The following COX7B2 variants were observed in gnomAD, a reference collection of about 807,000 sequenced individuals.
The protein encoded by COX7B2 is cytochrome c oxidase subunit 7B2.
For missense variants in COX7B2, 109 were observed against 95.9 expected, an observed-to-expected ratio of 1.14 and a Z score of -0.57; for synonymous variants, 37 against 32.1, an observed-to-expected ratio of 1.15 and a Z score of -0.51.
chr4:46,772,012 T>G (rs1422041659), intron 2 of COX7B2, among the ~76,000 whole-genome samples: 1 of 152,154 alleles, frequency 6.6e-6, no homozygotes, highest in East Asian at 1.9e-4. Context: ...GTGGCACTAT[T>G]CACAACATGC....
rs1444231764 is a variant in COX7B2 at position 46,754,714 on chromosome 4, G to A, written c.-49-19473C>T. On this transcript the variant is annotated intron_variant, in intron 2 of 2. Transcript: ENST00000355591. ...ATAAAATACGTGTGTGTGTGTGTGT[G>A]TGTGTGTGTGTGTGTATATATATAT... Among the ~76,000 whole-genome samples the A allele has an allele frequency of 4.2e-3, 90 of 21,286 alleles. 1 individual carries two copies. Among genetic ancestry groups the A allele is most frequent in the African/African-American group, 0.02 (74 of 3,740 alleles). The allele number at this position is 21,286 out of a possible 152,430, so 14.0% of individuals were successfully genotyped here. A position where few individuals can be genotyped will look rare whatever the true frequency, so the allele number is the denominator to read the frequency against.
intron 2 of COX7B2, among the ~76,000 whole-genome samples, chr4:46,831,278 AGCAGC>A (rs984746452): frequency 2.0e-5 from 3 of 152,110 alleles, no homozygotes; most frequent in Non-Finnish European, 2.9e-5. Flanking sequence ...CTCCCCACAC[AGCAGC>A]GCTCAGGACC....
At chr4:46,854,496 C>T (rs532249923) in intron 1 of COX7B2, among the ~76,000 whole-genome samples, 1 of 152,326 alleles carries the variant, frequency 6.6e-6, no homozygotes, top group South Asian at 2.1e-4. Flanking sequence ...ACAATGCAGA[C>T]ACTTCCATCA....
intron 2 of COX7B2, among the ~76,000 whole-genome samples, chr4:46,804,895 G>T (rs1443495343): frequency 1.3e-5 from 2 of 152,218 alleles, no homozygotes; most frequent in African/African-American, 4.8e-5. Flanking sequence ...TGCACGTCGG[G>T]GAGGCTCAGG....
At chr4:46,783,732 A>G (rs1423809574) in intron 2 of COX7B2, among the ~76,000 whole-genome samples, 2 of 152,174 alleles carry the variant, frequency 1.3e-5, no homozygotes, top group Admixed American at 1.3e-4. Context: ...ACTAGCTTAA[A>G]CAAAAAGGGA....
rs1396491793 is a variant in COX7B2, at chr4:46,754,722, G to GTATATATATA, written c.-49-19482_-49-19481insTATATATATA. Among the ~76,000 whole-genome samples, 229 of 34,074 alleles carry GTATATATATA rather than the reference G, an allele frequency of 6.7e-3. 2 individuals are homozygous for GTATATATATA. The highest frequency in any genetic ancestry group is 0.017 in the Middle Eastern group (1 of 58). The allele number at this position is 34,074 out of a possible 152,430, so 22.4% of individuals were successfully genotyped here. A position where few individuals can be genotyped will look rare whatever the true frequency, so the allele number is the denominator to read the frequency against. On this transcript the variant is annotated intron_variant, in intron 2 of 2. Coordinates refer to ENST00000355591, the MANE Select transcript of COX7B2 (RefSeq NM_130902.3). ...CGTGTGTGTGTGTGTGTGTGTGTGT[G>GTATATATATA]TGTGTGTATATATATATATATATAT...
At chr4:46,803,201 C>T (rs920125899) in intron 2 of COX7B2, among the ~76,000 whole-genome samples, 2 of 152,046 alleles carry the variant, frequency 1.3e-5, no homozygotes, top group Admixed American at 6.5e-5. Context: ...ATTTAACAAC[C>T]TTTGGCAAAG....
chr4:46,827,545 AATTGCTTAGC>A (rs1317038665), intron 2 of COX7B2, among the ~76,000 whole-genome samples: 3 of 152,194 alleles, frequency 2.0e-5, no homozygotes. Context: ...ATGTCCGTAG[AATTGCTTAGC>A]AAAACAAACA....
At chr4:46,825,969 G>A (rs187889372) in intron 2 of COX7B2, among the ~76,000 whole-genome samples, 2 of 152,198 alleles carry the variant, frequency 1.3e-5, no homozygotes, top group East Asian at 3.9e-4. Context: ...ATAAGAATGG[G>A]CAAAGATTTC....
At chr4:46,836,538 C>G (rs960844064) in intron 2 of COX7B2, among the ~76,000 whole-genome samples, 7 of 151,552 alleles carry the variant, frequency 4.6e-5, no homozygotes, top group African/African-American at 1.7e-4. Flanking sequence ...ACAATGCTTT[C>G]TTCTGGAATA....
At position 46,784,437 on chromosome 4, in the gene COX7B2, C is replaced by T. The variant is rs60656170; in HGVS notation, c.-49-49196G>A. Among the ~76,000 whole-genome samples the T allele has an allele frequency of 8.0e-3, 1,217 of 152,082 alleles. 18 individuals carry two copies. Among genetic ancestry groups the T allele is most frequent in the African/African-American group, 0.027 (1,135 of 41,476 alleles). ...GTCAGGAGTTCGAGACCAGCCTGGC[C>T]AACATGGTGAAATTCCGTCTCTATT... On this transcript the variant is annotated intron_variant, in intron 2 of 2. Coordinates refer to ENST00000355591, the MANE Select transcript of COX7B2 (RefSeq NM_130902.3).
At chr4:46,847,998 T>C (rs1349485701) in intron 1 of COX7B2, among the ~76,000 whole-genome samples, 1 of 151,994 alleles carries the variant, frequency 6.6e-6, no homozygotes, top group Non-Finnish European at 1.5e-5. Context: ...TTCTTTTTGT[T>C]CTAGGTGCTC....
intron 1 of COX7B2, among the ~76,000 whole-genome samples, chr4:46,875,244 A>G (rs2109833155): frequency 6.6e-6 from 1 of 152,354 alleles, no homozygotes; most frequent in South Asian, 2.1e-4. Context: ...CAAGGAAATT[A>G]AAGGCATTTT....
At chr4:46,840,735 C>T (rs1047313211) in intron 2 of COX7B2, among the ~76,000 whole-genome samples, 1 of 151,992 alleles carries the variant, frequency 6.6e-6, no homozygotes, top group African/African-American at 2.4e-5. Context: ...ATAATACCTG[C>T]TTCAAGTTGT....
At chr4:46,786,695 C>A (rs1285062902) in intron 2 of COX7B2, among the ~76,000 whole-genome samples, 2 of 152,078 alleles carry the variant, frequency 1.3e-5, no homozygotes, top group African/African-American at 4.8e-5. Flanking sequence ...CCTGAAGAAG[C>A]CTGCCTTTTA....
intron 2 of COX7B2, among the ~76,000 whole-genome samples, chr4:46,777,626 T>C (rs1043226577): frequency 6.6e-6 from 1 of 152,008 alleles, no homozygotes; most frequent in Non-Finnish European, 1.5e-5. Flanking sequence ...ATCTGTATTA[T>C]AAGAAAGAAG....
intron 2 of COX7B2, among the ~76,000 whole-genome samples, chr4:46,780,280 G>T (rs1179655342): frequency 6.6e-6 from 1 of 152,164 alleles, no homozygotes; most frequent in African/African-American, 2.4e-5. Flanking sequence ...CACTTTGGGA[G>T]GCCGAAGCAG....
At chr4:46,758,993 T>C (rs964869793) in intron 2 of COX7B2, among the ~76,000 whole-genome samples, 5 of 152,082 alleles carry the variant, frequency 3.3e-5, no homozygotes, top group African/African-American at 7.2e-5. Flanking sequence ...GTGAATAAGA[T>C]TGTGGAACCA....
At chr4:46,853,524 G>C (rs1183500013) in intron 1 of COX7B2, among the ~76,000 whole-genome samples, 8 of 151,972 alleles carry the variant, frequency 5.3e-5, no homozygotes, top group African/African-American at 1.9e-4. Context: ...GATTACAGCA[G>C]TTATGTACAT....
Sources: gnomAD v4.1 joint callset for allele counts (sites outside exome capture counted in the v4.1 genomes callset) on GRCh38, gnomAD v4.1.1 for gene constraint, MANE v1.5 for transcripts, NCBI Gene and HGNC (gene_info 2026-07-23, HGNC 2026-07-21) for gene names.